The following PIK3C2G variants were observed in gnomAD, a reference collection of about 807,000 sequenced individuals.
PIK3C2G encodes the protein phosphatidylinositol-4-phosphate 3-kinase catalytic subunit type 2 gamma.
In PIK3C2G, 168 loss-of-function variants were observed where a neutral mutation model predicts 181.1. The ratio of observed to expected loss-of-function variants is 0.93; its 90% confidence interval spans 0.82 to 1.05. The LOEUF is 1.05. Among genes scored for constraint, PIK3C2G ranks in the 50% least tolerant of loss-of-function variants. The pLI is 0.00. For missense variants in PIK3C2G, 1,869 were observed against 1,732.8 expected (o/e 1.08, Z -1.40); for synonymous variants, 573 against 592.2 (o/e 0.97, Z 0.47).
chr12:18,641,576 C>T (rs1400796229), intron 32 of PIK3C2G, among the ~76,000 whole-genome samples: 2 of 151,892 alleles, frequency 1.3e-5, no homozygotes, highest in Non-Finnish European at 2.9e-5. Context: ...CATTGTTATT[C>T]TTTCTCTTAA....
Position 18,607,914 on chromosome 12 carries a change from A to C in PIK3C2G, c.4088-1621A>C, listed in dbSNP as rs576391777. On this transcript the variant is annotated intron_variant, in intron 30 of 32. Coordinates refer to ENST00000538779, the MANE Select transcript of PIK3C2G (RefSeq NM_001288772.2). ...GAATATAAATAAGACACTTCTCAAA[A>C]GAAGACATTTATGCAGCCAAAAGAC... 9.2e-5 allele frequency among the ~76,000 whole-genome samples: 14 copies of C among 152,348 alleles called. No homozygotes were observed. In the East Asian group the frequency reaches 2.7e-3, roughly 29 times the overall value.
At chr12:18,691,263 T>G in the PIK3C2G span, among the ~76,000 whole-genome samples, 1 of 152,120 alleles carries the variant, frequency 6.6e-6, no homozygotes. Context: ...TGTTGACATT[T>G]AAGTAAGAGC....
intron 24 of PIK3C2G, among the ~76,000 whole-genome samples, chr12:18,532,041 G>A (rs1439797205): frequency 6.6e-6 from 1 of 152,064 alleles, no homozygotes; most frequent in East Asian, 1.9e-4. Context: ...CCAGTGTTTG[G>A]TATTGTTTTA....
intron 24 of PIK3C2G, among the ~76,000 whole-genome samples, chr12:18,511,593 C>T (rs1440906556): frequency 6.6e-6 from 1 of 151,900 alleles, no homozygotes; most frequent in African/African-American, 2.4e-5. Context: ...AGTTTATGTA[C>T]TTATTGGCCA....
chr12:18,320,003 C>G (rs1374551334), intron 6 of PIK3C2G: 1 of 152,180 alleles, frequency 6.6e-6, no homozygotes, highest in Non-Finnish European at 1.5e-5. Context: ...TTCCACCTAA[C>G]TTAGCTTCCT....
intron 31 of PIK3C2G, among the ~76,000 whole-genome samples, chr12:18,627,962 A>C (rs1219305566): frequency 6.6e-6 from 1 of 152,324 alleles, no homozygotes; most frequent in East Asian, 1.9e-4. Flanking sequence ...AAATACAATT[A>C]AGCCTTAGAT....
chr12:18,679,395 G>T, the PIK3C2G span, among the ~76,000 whole-genome samples: 2 of 151,926 alleles, frequency 1.3e-5, no homozygotes, highest in East Asian at 3.9e-4. Context: ...TATTCTATCT[G>T]CTTTCTTCTA....
chr12:18,252,782 G>T (rs1412195730), intron 1 of PIK3C2G, among the ~76,000 whole-genome samples: 1 of 152,178 alleles, frequency 6.6e-6, no homozygotes, highest in Non-Finnish European at 1.5e-5. Context: ...AGTTTGGAAG[G>T]AAGGCAGAGA....
chr12:18,642,579 CCTCAGATGTGAA>C (rs1949896290), intron 32 of PIK3C2G, among the ~76,000 whole-genome samples: 2 of 152,074 alleles, frequency 1.3e-5, no homozygotes, highest in Non-Finnish European at 2.9e-5. Context: ...TTGAGACTGA[CCTCAGATGTGAA>C]CTCTGCAAAC....
rs1592407905 is a variant in PIK3C2G, at chr12:18,496,053, T to C, written c.2794-9T>C. On this transcript the variant is annotated splice_polypyrimidine_tract_variant and intron_variant, in intron 20 of 32. Coordinates refer to ENST00000538779, the MANE Select transcript of PIK3C2G (RefSeq NM_001288772.2). ...TGCTCACTAGTTTTCCCTTTTTCTT[T>C]TCCTATAGGCATGTTCATATTTTAC... 4.2e-6 allele frequency: 6 copies of C among 1,437,554 alleles called. No homozygotes were observed. Among genetic ancestry groups the C allele is most frequent in the Non-Finnish European group, 4.7e-6 (5 of 1,068,244 alleles). 89.0% of individuals were successfully genotyped at this position (1,437,554 alleles called of 1,614,324 possible).
At chr12:18,592,073 C>A (rs534117162) in intron 29 of PIK3C2G, among the ~76,000 whole-genome samples, 1 of 151,774 alleles carries the variant, frequency 6.6e-6, no homozygotes, top group Admixed American at 6.6e-5. Flanking sequence ...TTTAGTGGTA[C>A]ACTTTTGTGG....
At chr12:18,616,887 TG>T (rs766795621) in intron 31 of PIK3C2G, among the ~76,000 whole-genome samples, 17 of 152,150 alleles carry the variant, frequency 1.1e-4, no homozygotes, top group East Asian at 1.9e-4. Context: ...AAATACAAAA[TG>T]GATTAAATAA....
chr12:18,528,587 A>G, intron 24 of PIK3C2G, among the ~76,000 whole-genome samples: 1 of 152,202 alleles, frequency 6.6e-6, no homozygotes, highest in East Asian at 1.9e-4. Flanking sequence ...CAGTTGCTCA[A>G]ATAAAATACT....
intron 24 of PIK3C2G, among the ~76,000 whole-genome samples, chr12:18,508,180 A>T (rs1194400489): frequency 6.6e-6 from 1 of 152,212 alleles, no homozygotes; most frequent in Admixed American, 6.5e-5. Flanking sequence ...TCCATGAGCC[A>T]TATGGATTAT....
the PIK3C2G span, among the ~76,000 whole-genome samples, chr12:18,720,810 A>T: frequency 1.3e-5 from 2 of 152,100 alleles, no homozygotes; most frequent in Admixed American, 1.3e-4. Flanking sequence ...AGATAAGTGC[A>T]GGGGAATAAA....
chr12:18,331,235 G>A (rs986168197), intron 8 of PIK3C2G, among the ~76,000 whole-genome samples: 4 of 152,012 alleles, frequency 2.6e-5, no homozygotes, highest in South Asian at 2.1e-4. Flanking sequence ...CTACGATTGC[G>A]TTGAATATAT....
At chr12:18,379,884 G>C (rs1942720790) in intron 13 of PIK3C2G, among the ~76,000 whole-genome samples, 1 of 152,070 alleles carries the variant, frequency 6.6e-6, no homozygotes. Context: ...GGAAACTCTG[G>C]AAACTCTCCC....
chr12:18,308,040 C>A (rs912148638), intron 5 of PIK3C2G, among the ~76,000 whole-genome samples: 3 of 151,738 alleles, frequency 2.0e-5, no homozygotes, highest in Non-Finnish European at 4.4e-5. Context: ...TATAGCATAT[C>A]TTAATTAAAA....
intron 30 of PIK3C2G, among the ~76,000 whole-genome samples, chr12:18,597,201 C>G (rs1437358996): frequency 6.6e-6 from 1 of 151,476 alleles, no homozygotes; most frequent in Non-Finnish European, 1.5e-5. Flanking sequence ...AAAATCGCAA[C>G]ATTGAATATA....
Sources: gnomAD v4.1 joint callset for allele counts (sites outside exome capture counted in the v4.1 genomes callset) on GRCh38, gnomAD v4.1.1 for gene constraint, MANE v1.5 for transcripts, NCBI Gene and HGNC (gene_info 2026-07-23, HGNC 2026-07-21) for gene names.